The following MARCHF1 variants were observed in gnomAD, a reference collection of about 807,000 sequenced individuals.
MARCHF1 encodes the protein membrane associated ring-CH-type finger 1.
In MARCHF1, 40 loss-of-function variants were observed where a neutral mutation model predicts 54.2. The ratio of observed to expected loss-of-function variants is 0.74; its 90% CI spans 0.57 to 0.96. The LOEUF (loss-of-function observed/expected upper bound fraction) is 0.96. Ranked by LOEUF, MARCHF1 falls within the 40% of genes least tolerant of loss-of-function variation. The pLI is 0.00. For missense variants in MARCHF1, 586 were observed against 656.5 expected (o/e 0.89, Z 1.17); for synonymous variants, 236 against 236.3 (o/e 1.00, Z 0.01).
At chr4:164,311,921 C>A (rs1734859228) in intron 1 of MARCHF1, among the ~76,000 whole-genome samples, 1 of 152,186 alleles carries the variant, frequency 6.6e-6, no homozygotes, top group African/African-American at 2.4e-5. Context: ...ACGATTCTCT[C>A]TCTTCTCTTA....
At chr4:163,733,225 G>GTATATATATA (rs1561047100) in intron 4 of MARCHF1, among the ~76,000 whole-genome samples, 1 of 13,020 alleles carries the variant, frequency 7.7e-5, no homozygotes, top group Non-Finnish European at 2.3e-4. Flanking sequence ...ATATATACAC[G>GTATATATATA]TGTATATATA....
chr4:164,004,454 C>T (rs1012558047), intron 2 of MARCHF1, among the ~76,000 whole-genome samples: 2 of 152,020 alleles, frequency 1.3e-5, no homozygotes, highest in African/African-American at 4.8e-5. Flanking sequence ...TTCAAAACAA[C>T]TTTCTGGAAT....
intron 2 of MARCHF1, among the ~76,000 whole-genome samples, chr4:164,028,371 C>T (rs892585008): frequency 6.6e-6 from 1 of 152,126 alleles, no homozygotes; most frequent in Admixed American, 6.6e-5. Flanking sequence ...TACATACACA[C>T]CAAGAAATAC....
intron 1 of MARCHF1, among the ~76,000 whole-genome samples, chr4:164,139,927 G>T (rs969605773): frequency 1.3e-5 from 2 of 151,990 alleles, no homozygotes; most frequent in Admixed American, 1.3e-4. Context: ...TCTGGGAATT[G>T]ATGACATCTT....
At chr4:164,248,851 C>G (rs1004180647) in intron 1 of MARCHF1, among the ~76,000 whole-genome samples, 4 of 151,934 alleles carry the variant, frequency 2.6e-5, no homozygotes, top group East Asian at 1.9e-4. Context: ...CAAAAAAACA[C>G]TATACTGTTT....
chr4:163,664,074 A>G lies in MARCHF1; in HGVS notation c.162+36739T>C, dbSNP rs141318967. ...GAGTACTCTCACTACCCTATTTTTCATAGGCAATGGAATCTAAAGGCACTT... is the reference window on the plus strand; with the variant it reads ...GAGTACTCTCACTACCCTATTTTTCGTAGGCAATGGAATCTAAAGGCACTT... On this transcript the variant is annotated intron_variant, in intron 5 of 9. Transcript: ENST00000514618. Among the ~76,000 whole-genome samples the G allele has an allele frequency of 2.0e-3, 302 of 152,208 alleles. 1 individual carries two copies. Among genetic ancestry groups the G allele is most frequent in the African/African-American group, 7.1e-3 (294 of 41,578 alleles).
intron 2 of MARCHF1, among the ~76,000 whole-genome samples, chr4:164,044,055 T>G (rs145751854): frequency 1.3e-5 from 2 of 152,266 alleles, no homozygotes; most frequent in African/African-American, 4.8e-5. Context: ...TCAAAACCAT[T>G]CAACAACTCT....
chr4:164,077,792 G>A (rs142770217), intron 2 of MARCHF1, among the ~76,000 whole-genome samples: 29 of 152,188 alleles, frequency 1.9e-4, no homozygotes, highest in African/African-American at 6.5e-4. Context: ...GCTCATCATC[G>A]CTGGTCATTA....
At chr4:164,045,605 A>G (rs987934784) in intron 2 of MARCHF1, among the ~76,000 whole-genome samples, 49 of 151,428 alleles carry the variant, frequency 3.2e-4, no homozygotes, top group African/African-American at 1.1e-3. Flanking sequence ...AGTTTAGCTT[A>G]GGTTTTTGTT....
At chr4:164,016,342 G>C (rs1753543093) in intron 2 of MARCHF1, among the ~76,000 whole-genome samples, 1 of 152,096 alleles carries the variant, frequency 6.6e-6, no homozygotes. Context: ...ACTATCACAA[G>C]AAGAGCATGG....
intron 2 of MARCHF1, among the ~76,000 whole-genome samples, chr4:164,023,586 G>T (rs905484025): frequency 7.2e-5 from 11 of 152,098 alleles, no homozygotes; most frequent in African/African-American, 2.7e-4. Flanking sequence ...AAAGACAATT[G>T]GCTATACTCA....
chr4:163,631,717 A>C (rs1478003297), intron 5 of MARCHF1, among the ~76,000 whole-genome samples: 1 of 152,232 alleles, frequency 6.6e-6, no homozygotes, highest in African/African-American at 2.4e-5. Flanking sequence ...AACTCCTAGA[A>C]GAAAAACATA....
intron 1 of MARCHF1, among the ~76,000 whole-genome samples, chr4:164,281,820 C>T (rs1734033336): frequency 6.6e-6 from 1 of 152,220 alleles, no homozygotes; most frequent in Non-Finnish European, 1.5e-5. Context: ...ACATCACACA[C>T]ACCTTACTGC....
At chr4:163,743,458 C>T (rs1055709444) in intron 4 of MARCHF1, among the ~76,000 whole-genome samples, 9 of 152,138 alleles carry the variant, frequency 5.9e-5, no homozygotes, top group Non-Finnish European at 1.3e-4. Flanking sequence ...GTTTTACCAC[C>T]GTACCTGATT....
rs566254329 is a variant in MARCHF1 at position 163,597,100 on chromosome 4, C to T, written c.1011-11171G>A. Among the ~76,000 whole-genome samples the T allele has an allele frequency of 3.0e-4, 45 of 152,202 alleles. No homozygotes were observed. The South Asian group carries it at 9.3e-3, about 32-fold the overall frequency. ...TTTCCAGAGTAGCTGGGATTACAGG[C>T]ATGTACTACCACGCCCGACTAATTT... On this transcript the variant is annotated intron_variant, in intron 7 of 9. Transcript: ENST00000514618.
At chr4:163,797,343 G>A (rs1747946534) in intron 4 of MARCHF1, among the ~76,000 whole-genome samples, 3 of 59,642 alleles carry the variant, frequency 5.0e-5, no homozygotes, top group South Asian at 2.1e-3. Context: ...ATGTGTGTGT[G>A]TGTGTGTTTA....
intron 4 of MARCHF1, among the ~76,000 whole-genome samples, chr4:163,781,222 A>T (rs1364271570): frequency 6.6e-6 from 1 of 152,134 alleles, no homozygotes; most frequent in Admixed American, 6.5e-5. Flanking sequence ...GTGGTGGCAG[A>T]TGGCTGTAAT....
In MARCHF1 at chr4:163,847,412, TTTATTTC is replaced by T. The variant is rs1346147511; in HGVS notation, c.111+6602_111+6608del. On this transcript the variant is annotated intron_variant, in intron 4 of 9. Coordinates refer to ENST00000514618, the MANE Select transcript of MARCHF1 (RefSeq NM_001394959.1). The stretch of plus-strand genomic sequence containing the variant: ...AAACATGTATTATCAGTAAATTTGT[TTTATTTC>T]TAGAGATTGTTTATGTTAAATTAGA... 2.0e-5 allele frequency among the ~76,000 whole-genome samples: 3 copies of T among 152,114 alleles called. No homozygotes were observed. In the East Asian group the frequency reaches 5.8e-4, roughly 29 times the overall value.
At chr4:164,101,298 C>A (rs1755552111) in intron 2 of MARCHF1, among the ~76,000 whole-genome samples, 1 of 151,390 alleles carries the variant, frequency 6.6e-6, no homozygotes, top group South Asian at 2.1e-4. Context: ...GTAGGCTCCA[C>A]CTCTGGGGGC....
Sources: gnomAD v4.1 joint callset for allele counts (sites outside exome capture counted in the v4.1 genomes callset) on GRCh38, gnomAD v4.1.1 for gene constraint, MANE v1.5 for transcripts, NCBI Gene and HGNC (gene_info 2026-07-23, HGNC 2026-07-21) for gene names.